The following SLCO2B1 variants were observed in gnomAD, a reference collection of about 807,000 sequenced individuals.
The protein encoded by SLCO2B1 is solute carrier organic anion transporter family member 2B1, also known as OATP-RP2.
SLCO2B1 carries 41 observed loss-of-function variants against 67.3 expected under a neutral mutation model. The observed-to-expected ratio is 0.61, with a 90% CI of 0.47 to 0.79. The LOEUF is 0.79. SLCO2B1 is among the 30% of genes least tolerant of loss of function. SLCO2B1 has a pLI of 0.00. For synonymous variants in SLCO2B1, 379 were observed against 381.4 expected (o/e 0.99, Z 0.07); for missense variants, 837 against 920.1 (o/e 0.91, Z 1.17).
Position 75,164,073 on chromosome 11 carries a change from G to T in SLCO2B1, c.258G>T (p.Thr86=), listed in dbSNP as rs138116866. 11 of 1,608,550 alleles carry T rather than the reference G, an allele frequency of 6.8e-6. No homozygotes were observed. The highest frequency in any genetic ancestry group is 3.4e-5 in the Admixed American group (2 of 59,420). Residue 86 remains threonine (T), a synonymous_variant, in exon 3 of 14, where the codon ACG becomes ACT. Transcript: ENST00000289575. ...VEKRFGLSSQ[T]SGLLASFNEV... ...AGCGCTTCGGCCTCTCCAGCCAGAC[G>T]TCGGGGCTGCTGGCCTCCTTCAACG... is the stretch of plus-strand genomic sequence containing the variant.
intron 1 of SLCO2B1, among the ~76,000 whole-genome samples, chr11:75,154,969 A>T (rs537215520): frequency 7.1e-4 from 108 of 152,292 alleles, no homozygotes; most frequent in Middle Eastern, 3.4e-3. Context: ...TCCTTGTTTT[A>T]GGCATAGAGA....
chr11:75,189,586 A>G (rs1944987204), intron 8 of SLCO2B1, among the ~76,000 whole-genome samples: 1 of 152,200 alleles, frequency 6.6e-6, no homozygotes, highest in Admixed American at 6.5e-5. Flanking sequence ...GAGTTGCCTC[A>G]TAGTCCTTAC....
chr11:75,174,746 T>C (rs1033203206), intron 7 of SLCO2B1, among the ~76,000 whole-genome samples: 1 of 152,214 alleles, frequency 6.6e-6, no homozygotes, highest in African/African-American at 2.4e-5. Context: ...AGAGCCTATA[T>C]TGCTGGTTAC....
intron 10 of SLCO2B1, 80 bp downstream of exon 10, chr11:75,196,759 C>T (rs577101035): frequency 4.0e-5 from 51 of 1,270,714 alleles, no homozygotes; most frequent in Admixed American, 3.5e-4. Context: ...ATACTCTCCA[C>T]TTCTGCATGC....
intron 1 of SLCO2B1, among the ~76,000 whole-genome samples, chr11:75,157,508 T>C (rs561605732): frequency 5.3e-4 from 80 of 152,172 alleles, no homozygotes; most frequent in African/African-American, 1.9e-3. Context: ...GATCCAGAGA[T>C]GGATGAATGG....
intron 4 of SLCO2B1, among the ~76,000 whole-genome samples, chr11:75,167,230 G>A (rs777296244): frequency 3.9e-5 from 6 of 152,170 alleles, no homozygotes; most frequent in Non-Finnish European, 5.9e-5. Context: ...AAAACTCAGC[G>A]CGTGCATGAA....
intron 7 of SLCO2B1, among the ~76,000 whole-genome samples, chr11:75,186,543 A>C (rs534857163): frequency 3.1e-4 from 47 of 149,460 alleles, no homozygotes; most frequent in Non-Finnish European, 6.4e-4. Flanking sequence ...AGTAGAGACA[A>C]GGTTTCGCCA....
chr11:75,152,098 A>T (rs1949698537), intron 1 of SLCO2B1, among the ~76,000 whole-genome samples: 1 of 152,170 alleles, frequency 6.6e-6, no homozygotes, highest in Non-Finnish European at 1.5e-5. Flanking sequence ...CTGGAGGAAA[A>T]AGGTCTTGAA....
chr11:75,166,084 C>G (rs1048277093), intron 4 of SLCO2B1, 135 bp downstream of exon 4: 3 of 1,116,634 alleles, frequency 2.7e-6, no homozygotes, highest in Admixed American at 5.5e-5. Flanking sequence ...GCTAGTCCCC[C>G]CCCAACCTGG....
chr11:75,179,821 C>CTGT (rs1465936318), intron 7 of SLCO2B1, among the ~76,000 whole-genome samples: 2 of 151,766 alleles, frequency 1.3e-5, no homozygotes, highest in East Asian at 1.9e-4. Context: ...ACTGCAACCT[C>CTGT]CACCTCCCGA....
intron 7 of SLCO2B1, among the ~76,000 whole-genome samples, chr11:75,187,188 G>A (rs1944948772): frequency 6.6e-6 from 1 of 152,186 alleles, no homozygotes; most frequent in Admixed American, 6.5e-5. Context: ...ACAGTGCCCA[G>A]CATACAGTAA....
At chr11:75,151,513 G>A in intron 1 of SLCO2B1, 116 bp downstream of exon 1, 1 of 1,058,292 alleles carries the variant, frequency 9.4e-7, no homozygotes, top group Non-Finnish European at 1.4e-6. Flanking sequence ...CACAGCTGTT[G>A]GCACAGAGCC....
At chr11:75,196,883 A>G (rs1945109255) in intron 10 of SLCO2B1, among the ~76,000 whole-genome samples, 1 of 152,208 alleles carries the variant, frequency 6.6e-6, no homozygotes, top group South Asian at 2.1e-4. Context: ...TAATCCCAAC[A>G]CTTTGGGAGG....
At chr11:75,184,737 G>A (rs1013557771) in intron 7 of SLCO2B1, among the ~76,000 whole-genome samples, 8 of 152,154 alleles carry the variant, frequency 5.3e-5, no homozygotes, top group South Asian at 2.1e-4. Flanking sequence ...CAGAGGGTAC[G>A]TGGCTCCTCG....
chr11:75,163,917 T>A, intron 2 of SLCO2B1, 46 bp from the exon 3 acceptor site: 1 of 1,554,314 alleles, frequency 6.4e-7, no homozygotes, highest in Non-Finnish European at 8.7e-7. Flanking sequence ...CCTCTTTGTC[T>A]CCCCCTGCAC....
rs567952653 is a variant in SLCO2B1, at chr11:75,187,506, G to A, written c.973-630G>A. Among the ~76,000 whole-genome samples, 66 of 152,298 alleles carry A rather than the reference G, an allele frequency of 4.3e-4. 1 individual carries two copies. The highest frequency in any genetic ancestry group is 3.8e-3 in the Admixed American group (58 of 15,300). On this transcript the variant is annotated intron_variant, in intron 7 of 13. Transcript: ENST00000289575. ...TGTTGGTGTTTTGGGTAACATTGGT[G>A]GTGATGATGGCAGTGGCGATGGAGA... is the stretch of plus-strand genomic sequence containing the variant.
intron 9 of SLCO2B1, among the ~76,000 whole-genome samples, chr11:75,195,784 G>C (rs530316256): frequency 3.9e-5 from 6 of 152,342 alleles, no homozygotes; most frequent in Middle Eastern, 3.4e-3. Flanking sequence ...TGGCAGGTTA[G>C]CTGTGCTCCC....
intron 8 of SLCO2B1, among the ~76,000 whole-genome samples, chr11:75,190,288 C>T (rs772850990): frequency 2.0e-5 from 3 of 152,228 alleles, no homozygotes; most frequent in Non-Finnish European, 4.4e-5. Flanking sequence ...GGCAGGGGTG[C>T]CCTCAGGCCC....
intron 1 of SLCO2B1, among the ~76,000 whole-genome samples, chr11:75,159,034 T>C (rs1301996842): frequency 6.6e-6 from 1 of 152,250 alleles, no homozygotes; most frequent in Non-Finnish European, 1.5e-5. Flanking sequence ...ACTGACCAGA[T>C]ACCTGGGAAA....
Sources: gnomAD v4.1 joint callset for allele counts (sites outside exome capture counted in the v4.1 genomes callset) on GRCh38, gnomAD v4.1.1 for gene constraint, MANE v1.5 for transcripts, NCBI Gene and HGNC (gene_info 2026-07-23, HGNC 2026-07-21) for gene names.